FOXJ3: variants seen among roughly 807,000 people sequenced by gnomAD.
FOXJ3 encodes the protein forkhead box J3.
In FOXJ3, 22 loss-of-function variants were observed where a neutral mutation model predicts 76.1. The observed-to-expected ratio is 0.29, with a 90% CI of 0.21 to 0.41. The LOEUF (loss-of-function observed/expected upper bound fraction) is 0.41, where lower values mean the gene tolerates loss of function less well. Among genes scored for constraint, FOXJ3 ranks in the 10% least tolerant of loss-of-function variants. The pLI, the probability that FOXJ3 is intolerant of heterozygous loss-of-function variation, is 1.00. For missense variants in FOXJ3, 613 were observed against 762.1 expected (o/e 0.80, Z 2.30); for synonymous variants, 269 against 261.2 (o/e 1.03, Z -0.29).
At chr1:42,210,426 C>G (rs1191640209) in intron 5 of FOXJ3, among the ~76,000 whole-genome samples, 1 of 152,158 alleles carries the variant, frequency 6.6e-6, no homozygotes, top group Non-Finnish European at 1.5e-5. Context: ...CAAATCCCAC[C>G]ACTACCACCA....
chr1:42,186,445 T>A (rs562509330), intron 11 of FOXJ3, among the ~76,000 whole-genome samples: 1 of 152,172 alleles, frequency 6.6e-6, no homozygotes, highest in African/African-American at 2.4e-5. Flanking sequence ...CTACCTTTGA[T>A]AGGCTGTGAC....
chr1:42,235,344 C>T (rs1189705315), intron 4 of FOXJ3, among the ~76,000 whole-genome samples: 3 of 151,588 alleles, frequency 2.0e-5, no homozygotes, highest in Admixed American at 6.6e-5. Flanking sequence ...TGACCCCTTG[C>T]GTTTTTCGGG....
chr1:42,271,317 T>A (rs917304834), intron 3 of FOXJ3, among the ~76,000 whole-genome samples: 23 of 151,888 alleles, frequency 1.5e-4, no homozygotes, highest in Non-Finnish European at 2.9e-4. Context: ...ATTTTTTTTT[T>A]AAATATGTAA....
At chr1:42,262,279 T>G (rs510157) in intron 4 of FOXJ3, among the ~76,000 whole-genome samples, 102,196 of 152,134 alleles carry the variant, frequency 0.67, 35,850 homozygotes, top group Admixed American at 0.78. Context: ...TTTCTGTGAC[T>G]GACAAGTATG....
chr1:42,185,597 A>T (rs1052293369), intron 11 of FOXJ3, among the ~76,000 whole-genome samples: 3 of 152,018 alleles, frequency 2.0e-5, no homozygotes, highest in Non-Finnish European at 4.4e-5. Flanking sequence ...AAGCTACTAC[A>T]GGGGTCATGT....
chr1:42,185,789 T>C (rs886590434), intron 11 of FOXJ3, among the ~76,000 whole-genome samples: 2 of 152,106 alleles, frequency 1.3e-5, no homozygotes, highest in African/African-American at 2.4e-5. Flanking sequence ...AAAGATGTCA[T>C]AGACTGTGTT....
intron 5 of FOXJ3, among the ~76,000 whole-genome samples, chr1:42,218,555 A>G (rs1351578510): frequency 1.3e-5 from 2 of 152,208 alleles, no homozygotes; most frequent in Non-Finnish European, 2.9e-5. Context: ...TGTAACTTTT[A>G]TAACAATGCA....
intron 7 of FOXJ3, among the ~76,000 whole-genome samples, chr1:42,196,987 T>A (rs970425791): frequency 6.6e-6 from 1 of 152,208 alleles, no homozygotes; most frequent in East Asian, 1.9e-4. Flanking sequence ...TTGTCATTAT[T>A]ATTTAATTTA....
At chr1:42,186,807 G>C in intron 11 of FOXJ3, among the ~76,000 whole-genome samples, 1 of 152,148 alleles carries the variant, frequency 6.6e-6, no homozygotes, top group East Asian at 1.9e-4. Context: ...ACCAACATGA[G>C]AGCTGCTGCC....
At chr1:42,248,740 T>C (rs926560910) in intron 4 of FOXJ3, among the ~76,000 whole-genome samples, 18 of 146,736 alleles carry the variant, frequency 1.2e-4, no homozygotes, top group Middle Eastern at 3.4e-3. Flanking sequence ...CTTTTTTTTT[T>C]TTTTTTTTTT....
intron 4 of FOXJ3, among the ~76,000 whole-genome samples, chr1:42,243,298 T>C (rs1021039534): frequency 3.9e-5 from 6 of 151,972 alleles, no homozygotes; most frequent in African/African-American, 1.5e-4. Context: ...AACTCAAATG[T>C]TACCACTACA....
intron 1 of FOXJ3, chr1:42,334,815 C>G (rs1421154917): frequency 3.3e-5 from 5 of 152,228 alleles, no homozygotes; most frequent in African/African-American, 9.7e-5. Context: ...TGCTTCCCAG[C>G]TGAGGGGCAG....
intron 4 of FOXJ3, among the ~76,000 whole-genome samples, chr1:42,229,773 T>TA (rs1027214955): frequency 6.6e-6 from 1 of 152,180 alleles, no homozygotes; most frequent in African/African-American, 2.4e-5. Flanking sequence ...AGTTTCAGAA[T>TA]AAATGCAAGG....
intron 4 of FOXJ3, among the ~76,000 whole-genome samples, chr1:42,239,071 T>C (rs779551536): frequency 1.3e-5 from 2 of 152,220 alleles, no homozygotes; most frequent in African/African-American, 2.4e-5. Flanking sequence ...GTTAACTTCA[T>C]TTTCCAAGCA....
intron 7 of FOXJ3, 112 bp from the exon 8 acceptor site, chr1:42,195,176 ACT>A (rs1646627848): frequency 3.9e-6 from 3 of 777,056 alleles, no homozygotes; most frequent in Non-Finnish European, 5.9e-6. Context: ...AAAGAAAATA[ACT>A]CTTCTGTCTT....
chr1:42,273,831 T>C (rs1030789430), intron 3 of FOXJ3, among the ~76,000 whole-genome samples: 1 of 152,092 alleles, frequency 6.6e-6, no homozygotes, highest in African/African-American at 2.4e-5. Context: ...AGTTAAAAAT[T>C]TGAAAATTAC....
chr1:42,193,513 CT>C (rs1462701659), intron 8 of FOXJ3, among the ~76,000 whole-genome samples: 10 of 150,618 alleles, frequency 6.6e-5, no homozygotes, highest in African/African-American at 2.5e-4. Flanking sequence ...GTTGGATTTG[CT>C]TAGCAAAGTC....
intron 1 of FOXJ3, among the ~76,000 whole-genome samples, chr1:42,327,512 A>G (rs1380632280): frequency 1.3e-5 from 2 of 152,220 alleles, no homozygotes; most frequent in African/African-American, 4.8e-5. Context: ...TAGAGTCTTT[A>G]TGATAACCTA....
chr1:42,311,678 A>AGTAGTAGTAGTAGTAGT, intron 1 of FOXJ3, among the ~76,000 whole-genome samples: 1 of 152,126 alleles, frequency 6.6e-6, no homozygotes, highest in East Asian at 1.9e-4. Context: ...TAGTAGTAGT[A>AGTAGTAGTAGTAGTAGT]AAGAGAAGCA....
Sources: gnomAD v4.1 joint callset for allele counts (sites outside exome capture counted in the v4.1 genomes callset) on GRCh38, gnomAD v4.1.1 for gene constraint, MANE v1.5 for transcripts, NCBI Gene and HGNC (gene_info 2026-07-23, HGNC 2026-07-21) for gene names.